The following TTC39B variants were observed in gnomAD, a reference collection of about 807,000 sequenced individuals.
The protein encoded by TTC39B is tetratricopeptide repeat protein 39B.
A neutral mutation model predicts 96.6 loss-of-function variants in TTC39B; 92 were observed. The ratio of observed to expected loss-of-function variants is 0.95; its 90% CI spans 0.80 to 1.13. TTC39B has a LOEUF of 1.13. Ranked by LOEUF, TTC39B falls within the 50% of genes most tolerant of loss-of-function variation. The pLI is 0.00. For missense variants in TTC39B, 955 were observed against 809.3 expected (o/e 1.18, Z -2.18); for synonymous variants, 367 against 299.4 (o/e 1.23, Z -2.33).
chr9:15,296,408 T>C (rs992139447), intron 1 of TTC39B, among the ~76,000 whole-genome samples: 1 of 152,232 alleles, frequency 6.6e-6, no homozygotes, highest in African/African-American at 2.4e-5. Flanking sequence ...GAAATCATTA[T>C]TGTTGCTTCC....
chr9:15,276,492 G>A lies in TTC39B; in HGVS notation c.241-8544C>T, dbSNP rs535550253. On this transcript the variant is annotated intron_variant, in intron 1 of 19. Coordinates refer to ENST00000512701, the Ensembl canonical transcript of TTC39B. ...CCCATCAAGGTAGTCATGACTTGAT[G>A]ACATGAGCCCTCCCTTCTCTCACAA... Among the ~76,000 whole-genome samples, 33 of 152,330 alleles carry A rather than the reference G, an allele frequency of 2.2e-4. 1 individual carries two copies. The South Asian group carries it at 6.8e-3, about 32-fold the overall frequency.
chr9:15,218,977 G>A (rs868680184), intron 3 of TTC39B, among the ~76,000 whole-genome samples: 30 of 152,196 alleles, frequency 2.0e-4, no homozygotes, highest in Middle Eastern at 3.4e-3. Context: ...GCTTATGTTA[G>A]ACAGGGAAAT....
intron 9 of TTC39B, among the ~76,000 whole-genome samples, chr9:15,192,033 T>C (rs1350987053): frequency 2.6e-5 from 4 of 152,208 alleles, no homozygotes; most frequent in Non-Finnish European, 5.9e-5. Context: ...TCAGCCTCTT[T>C]CCCATTTATC....
intron 6 of TTC39B, 106 bp downstream of exon 6, chr9:15,209,982 G>A (rs1820099776): frequency 1.2e-6 from 1 of 826,448 alleles, no homozygotes; most frequent in Admixed American, 2.6e-5. Flanking sequence ...ATAGGGAAGA[G>A]AAAAAGACAT....
rs547368537 is a variant in TTC39B at position 15,306,445 on chromosome 9, G to A, written c.240+639C>T. On this transcript the variant is annotated intron_variant, in intron 1 of 19. Transcript: ENST00000512701. This position sits in a 1 kb window ranked among gnomAD's most constrained non-coding sequence, Gnocchi z 5.1. ...CCCTCCGGCCACCACCGACTCTGAG[G>A]ACCTGCTAGGGGAAGTGTCCCGGCC... 5.3e-5 allele frequency among the ~76,000 whole-genome samples: 8 copies of A among 152,314 alleles called. No homozygotes were observed. Among genetic ancestry groups the A allele is most frequent in the Admixed American group, 6.5e-5 (1 of 15,306 alleles).
intron 2 of TTC39B, among the ~76,000 whole-genome samples, chr9:15,258,825 G>A (rs997051794): frequency 1.3e-5 from 2 of 152,150 alleles, no homozygotes; most frequent in African/African-American, 4.8e-5. Flanking sequence ...GCACCAAAGT[G>A]TTGCTAAGGA....
intron 5 of TTC39B, among the ~76,000 whole-genome samples, chr9:15,210,657 C>T (rs1820142495): frequency 6.6e-6 from 1 of 152,116 alleles, no homozygotes; most frequent in African/African-American, 2.4e-5. Flanking sequence ...TCATTTCCTC[C>T]CATCCATCTG....
intron 2 of TTC39B, among the ~76,000 whole-genome samples, chr9:15,237,136 G>A (rs536479373): frequency 2.6e-5 from 4 of 152,248 alleles, no homozygotes; most frequent in Admixed American, 1.3e-4. Context: ...CCAACATGGC[G>A]AAACGTCATC....
chr9:15,194,786 C>T (rs1273973620), intron 8 of TTC39B, among the ~76,000 whole-genome samples: 1 of 152,108 alleles, frequency 6.6e-6, no homozygotes, highest in African/African-American at 2.4e-5. Context: ...TTTCAGGGTG[C>T]CCTGAACCAC....
exon 20 of TTC39B, chr9:15,171,625 T>C (rs1255362100): frequency 6.5e-6 from 1 of 153,294 alleles, no homozygotes; most frequent in Non-Finnish European, 1.5e-5. Context: ...AAAATATCTC[T>C]GAAGTTTAAC....
intron 8 of TTC39B, among the ~76,000 whole-genome samples, chr9:15,199,174 C>T (rs2131298874): frequency 6.6e-6 from 1 of 152,312 alleles, no homozygotes; most frequent in South Asian, 2.1e-4. Flanking sequence ...AACGCTACAG[C>T]CACCTCAGCT....
chr9:15,202,367 C>T (rs1819589822), intron 7 of TTC39B, among the ~76,000 whole-genome samples: 1 of 152,060 alleles, frequency 6.6e-6, no homozygotes, highest in African/African-American at 2.4e-5. Flanking sequence ...AACCAGAATC[C>T]AACCCAAGAG....
At chr9:15,258,058 C>T (rs1008041958) in intron 2 of TTC39B, among the ~76,000 whole-genome samples, 2 of 145,062 alleles carry the variant, frequency 1.4e-5, no homozygotes, top group East Asian at 1.9e-4. Context: ...AAAACTCCAT[C>T]TCAAAAAAAA....
chr9:15,201,653 A>G (rs1377171338), intron 7 of TTC39B, among the ~76,000 whole-genome samples: 4 of 152,198 alleles, frequency 2.6e-5, no homozygotes, highest in Non-Finnish European at 5.9e-5. Flanking sequence ...ACTGCTGAAG[A>G]ATCTATTGCA....
At chr9:15,189,673 C>CG in intron 12 of TTC39B, 40 bp from the exon 13 acceptor site, 1 of 1,614,074 alleles carries the variant, frequency 6.2e-7, no homozygotes. Context: ...CAACAGTCAA[C>CG]ACTGGCTGAT....
intron 8 of TTC39B, among the ~76,000 whole-genome samples, chr9:15,194,330 T>C (rs1819027468): frequency 6.6e-6 from 1 of 152,228 alleles, no homozygotes; most frequent in Non-Finnish European, 1.5e-5. Context: ...TAATGATTTT[T>C]CTATAAAATG....
intron 2 of TTC39B, among the ~76,000 whole-genome samples, chr9:15,236,579 C>G (rs1018501069): frequency 1.3e-5 from 2 of 152,152 alleles, no homozygotes; most frequent in African/African-American, 4.8e-5. Flanking sequence ...AGCCACAAAG[C>G]AAGTCTCAAT....
At chr9:15,293,944 TTC>T (rs943467760) in intron 1 of TTC39B, among the ~76,000 whole-genome samples, 11 of 152,178 alleles carry the variant, frequency 7.2e-5, no homozygotes, top group African/African-American at 2.7e-4. Flanking sequence ...TCACTTTCCT[TTC>T]TCTGTCCATA....
intron 2 of TTC39B, among the ~76,000 whole-genome samples, chr9:15,259,593 A>G (rs985459062): frequency 1.3e-5 from 2 of 152,252 alleles, no homozygotes; most frequent in South Asian, 4.1e-4. Context: ...AAAATGTGAT[A>G]TATTCATATA....
Sources: allele counts gnomAD v4.1 joint callset (sites outside exome capture counted in the v4.1 genomes callset), GRCh38; gene constraint gnomAD v4.1.1; non-coding constraint Gnocchi (gnomAD v3.1); transcripts MANE v1.5; gene names NCBI Gene and HGNC (gene_info 2026-07-23, HGNC 2026-07-21).